Variants in VRK2 observed in about 807,000 individuals in gnomAD.
VRK2 encodes the protein serine/threonine-protein kinase VRK2.
VRK2 carries 60 observed loss-of-function variants against 57.6 expected under a neutral mutation model. The ratio of observed to expected loss-of-function variants is 1.04; its 90% CI spans 0.85 to 1.29. VRK2 has a LOEUF of 1.29. Ranked by LOEUF, VRK2 falls within the 50% of genes most tolerant of loss-of-function variation. The probability of loss-of-function intolerance (pLI) is 0.00; values close to 1 mark genes in which losing one functional copy is unlikely to be tolerated. For synonymous variants in VRK2, 231 were observed against 199.2 expected, an observed-to-expected ratio of 1.16 and a Z score of -1.35; for missense variants, 705 against 588.1, an observed-to-expected ratio of 1.20 and a Z score of -2.06.
At chr2:58,155,966 C>T (rs1683770057) in intron 12 of VRK2, among the ~76,000 whole-genome samples, 1 of 150,940 alleles carries the variant, frequency 6.6e-6, no homozygotes, top group Non-Finnish European at 1.5e-5. Flanking sequence ...TTCCAGAACG[C>T]AGGCTCTTTT....
At chr2:57,943,964 G>A (rs1316718095) in intron 1 of VRK2, among the ~76,000 whole-genome samples, 1 of 152,156 alleles carries the variant, frequency 6.6e-6, no homozygotes, top group Non-Finnish European at 1.5e-5. Context: ...AATGAAATGG[G>A]TGTATCTGTG....
chr2:58,068,723 T>G (rs970753299), intron 2 of VRK2, among the ~76,000 whole-genome samples: 2 of 151,914 alleles, frequency 1.3e-5, no homozygotes, highest in Non-Finnish European at 2.9e-5. Context: ...CTCTCTGTTG[T>G]TTAGGTTGGA....
At chr2:58,077,036 C>A (rs959985202) in intron 2 of VRK2, among the ~76,000 whole-genome samples, 5 of 151,886 alleles carry the variant, frequency 3.3e-5, no homozygotes, top group Non-Finnish European at 7.4e-5. Context: ...AAAATTTTGC[C>A]AGTTCTCCTA....
At chr2:58,000,052 T>G (rs187761765) in intron 1 of VRK2, among the ~76,000 whole-genome samples, 76 of 152,136 alleles carry the variant, frequency 5.0e-4, no homozygotes, top group African/African-American at 1.6e-3. Flanking sequence ...TAAACCTCAT[T>G]TCTACCTAAG....
chr2:58,136,896 ATATATATCATATATATATCATATATGTG>A (rs1160029948), intron 10 of VRK2, among the ~76,000 whole-genome samples: 26 of 13,020 alleles, frequency 2.0e-3, no homozygotes, highest in East Asian at 0.042. Flanking sequence ...ATATATGTGT[ATATATATCATATATATATCATATATGTG>A]TATATATCAT....
intron 1 of VRK2, among the ~76,000 whole-genome samples, chr2:57,951,853 C>G (rs1391259080): frequency 6.6e-6 from 1 of 151,894 alleles, no homozygotes; most frequent in Non-Finnish European, 1.5e-5. Context: ...AAGTGATCCT[C>G]CCACATCAGC....
At chr2:58,122,999 T>G in intron 7 of VRK2, 102 bp from the exon 8 acceptor site, 1 of 1,419,664 alleles carries the variant, frequency 7.0e-7, no homozygotes, top group Non-Finnish European at 9.3e-7. Flanking sequence ...AAAATGTAGA[T>G]CTGAGGCTGT....
At chr2:58,136,912 TATCATATATGTGTA>T (rs1558684973) in intron 10 of VRK2, among the ~76,000 whole-genome samples, 2 of 123,564 alleles carry the variant, frequency 1.6e-5, no homozygotes, top group African/African-American at 8.6e-5. Flanking sequence ...ATCATATATA[TATCATATATGTGTA>T]TATATCATAT....
chr2:58,049,161 T>C (rs182944928), intron 2 of VRK2, among the ~76,000 whole-genome samples, 194 bp downstream of exon 2: 1 of 152,320 alleles, frequency 6.6e-6, no homozygotes, highest in East Asian at 1.9e-4. Flanking sequence ...TTGTTGTCCA[T>C]GTTTTTCTGA....
intron 1 of VRK2, among the ~76,000 whole-genome samples, chr2:57,981,720 G>A (rs1672429147): frequency 6.6e-6 from 1 of 152,184 alleles, no homozygotes; most frequent in Non-Finnish European, 1.5e-5. Flanking sequence ...ATTTCTTGGA[G>A]ATTTTATTCA....
At chr2:57,956,439 G>A (rs1671589225) in intron 1 of VRK2, among the ~76,000 whole-genome samples, 1 of 152,112 alleles carries the variant, frequency 6.6e-6, no homozygotes, top group African/African-American at 2.4e-5. Context: ...TTTGCACTAA[G>A]CCTTCTTCCA....
At chr2:58,127,043 T>G (rs1483760925) in intron 8 of VRK2, among the ~76,000 whole-genome samples, 2 of 152,092 alleles carry the variant, frequency 1.3e-5, no homozygotes, top group African/African-American at 4.8e-5. Context: ...CTATCTTAAT[T>G]TGACATCTTT....
chr2:57,951,630 C>A (rs1671428942), intron 1 of VRK2, among the ~76,000 whole-genome samples: 1 of 152,132 alleles, frequency 6.6e-6, no homozygotes, highest in South Asian at 2.1e-4. Flanking sequence ...CACAGCCACC[C>A]TAATCTTCAG....
intron 2 of VRK2, among the ~76,000 whole-genome samples, chr2:58,077,597 A>G (rs1010507728): frequency 5.9e-5 from 9 of 151,958 alleles, no homozygotes; most frequent in African/African-American, 2.2e-4. Flanking sequence ...CCCAAAAGTG[A>G]CCACTCTTAA....
At chr2:58,120,336 G>A (rs1677285614) in intron 7 of VRK2, among the ~76,000 whole-genome samples, 1 of 151,542 alleles carries the variant, frequency 6.6e-6, no homozygotes, top group South Asian at 2.1e-4. Flanking sequence ...GATTACAAAT[G>A]TGCACCACCA....
At chr2:58,082,026 T>C (rs1422600141) in intron 2 of VRK2, among the ~76,000 whole-genome samples, 1 of 151,878 alleles carries the variant, frequency 6.6e-6, no homozygotes, top group East Asian at 1.9e-4. Context: ...TCTTTGTTCA[T>C]ATGAAGCACC....
intron 1 of VRK2, among the ~76,000 whole-genome samples, chr2:57,967,361 C>G (rs1438113661): frequency 6.6e-6 from 1 of 151,572 alleles, no homozygotes; most frequent in Non-Finnish European, 1.5e-5. Context: ...TACCCCAGAA[C>G]TTAAAGTATA....
upstream of VRK2, chr2:58,046,406 AG>A: frequency 1.8e-5 from 15 of 810,822 alleles, no homozygotes; most frequent in Non-Finnish European, 2.2e-5. Flanking sequence ...TAGTACCAAT[AG>A]TTAGTTGCTC....
At chr2:58,044,004 TAG>T, upstream of VRK2, among the ~76,000 whole-genome samples, 1 of 152,244 alleles carries the variant, frequency 6.6e-6, no homozygotes, top group Non-Finnish European at 1.5e-5. Context: ...AAAGATTATA[TAG>T]AGTTTCTGCT....
Sources: allele counts gnomAD v4.1 joint callset (sites outside exome capture counted in the v4.1 genomes callset), GRCh38; gene constraint gnomAD v4.1.1; transcripts MANE v1.5; gene names NCBI Gene and HGNC (gene_info 2026-07-23, HGNC 2026-07-21).